The following PREP variants were observed in gnomAD, a reference collection of about 807,000 sequenced individuals.
PREP encodes dJ355L5.1 (prolyl endopeptidase).
PREP carries 29 observed loss-of-function variants against 87.6 expected under a neutral mutation model. That is an observed-to-expected ratio of 0.33 (90% CI 0.25 to 0.45). PREP has a LOEUF of 0.45. Among genes scored for constraint, PREP ranks in the 20% least tolerant of loss-of-function variants. The pLI is 1.00. For synonymous variants in PREP, 337 were observed against 328.6 expected (o/e 1.03, Z -0.28); for missense variants, 695 against 886.5 (o/e 0.78, Z 2.74).
chr6:105,282,207 G>GTGA lies in PREP; in HGVS notation c.1681+241_1681+243dup, dbSNP rs540328911. ...CCTCCCATCCCCACTTGCTTTCACA[G>GTGA]TGATGAGGGAGATTAAGGGACTTGT... is the stretch of plus-strand genomic sequence containing the variant. On this transcript the variant is annotated intron_variant, in intron 13 of 14. Coordinates refer to ENST00000652536, the MANE Select transcript of PREP (RefSeq NM_002726.5). Among the ~76,000 whole-genome samples the GTGA allele has an allele frequency of 2.6e-4, 39 of 152,314 alleles. No homozygotes were observed. In the South Asian group the frequency reaches 8.1e-3, roughly 32 times the overall value.
At chr6:105,347,298 T>C (rs781185616) in intron 7 of PREP, among the ~76,000 whole-genome samples, 5 of 152,180 alleles carry the variant, frequency 3.3e-5, no homozygotes, top group Non-Finnish European at 7.3e-5. Flanking sequence ...TGGGGAGCAC[T>C]TGAAGGGCAG....
intron 10 of PREP, among the ~76,000 whole-genome samples, chr6:105,296,447 C>T (rs937147030): frequency 6.6e-6 from 1 of 151,778 alleles, no homozygotes. Flanking sequence ...TATTTATGTA[C>T]CCAAATATCT....
rs892889526 is a variant in PREP, at chr6:105,277,603, A to G, written c.*541T>C. On this transcript the variant is annotated 3_prime_UTR_variant, in exon 15 of 15. Coordinates refer to ENST00000652536, the MANE Select transcript of PREP (RefSeq NM_002726.5). Reference sequence around the variant, plus strand: ...TATTTTCAAAGCTAACAAACATTCTATGACTTAACTGCTTGAAAACTAACT... The same window carrying G: ...TATTTTCAAAGCTAACAAACATTCTGTGACTTAACTGCTTGAAAACTAACT... 1 of 154,256 alleles carries G rather than the reference A, an allele frequency of 6.5e-6. No individual in the cohort carries two copies. The highest frequency in any genetic ancestry group is 2.4e-5 in the African/African-American group (1 of 41,116). 9.6% of individuals were successfully genotyped at this position (154,256 alleles called of 1,614,324 possible). A position where few individuals can be genotyped will look rare whatever the true frequency, so the allele number is the denominator to read the frequency against.
chr6:105,328,777 CA>C (rs1771239728), intron 9 of PREP, 51 bp downstream of exon 9: 1 of 1,583,700 alleles, frequency 6.3e-7, no homozygotes, highest in South Asian at 1.1e-5. Context: ...CAAAGAAACC[CA>C]AACACCAGTC....
chr6:105,355,787 C>T (rs1213947849), intron 6 of PREP, among the ~76,000 whole-genome samples: 1 of 152,104 alleles, frequency 6.6e-6, no homozygotes, highest in Non-Finnish European at 1.5e-5. Flanking sequence ...CTTAGTTTCT[C>T]TTTGTGGTTT....
At chr6:105,385,752 C>CT (rs1483406766) in intron 2 of PREP, among the ~76,000 whole-genome samples, 1 of 152,178 alleles carries the variant, frequency 6.6e-6, no homozygotes, top group Non-Finnish European at 1.5e-5. Flanking sequence ...CTCAAAAACA[C>CT]TATCATTTAA....
chr6:105,373,665 T>G, intron 4 of PREP, 87 bp from the exon 5 acceptor site: 4 of 1,280,060 alleles, frequency 3.1e-6, no homozygotes, highest in Non-Finnish European at 4.4e-6. Flanking sequence ...CTCTCTTTCA[T>G]AACACGGAGG....
chr6:105,309,506 T>C (rs1149317), intron 10 of PREP, among the ~76,000 whole-genome samples: 34,216 of 152,106 alleles, frequency 0.22, 7,895 homozygotes, highest in African/African-American at 0.59. Flanking sequence ...TGTGCCACCA[T>C]ACCTGGCTAA....
intron 2 of PREP, among the ~76,000 whole-genome samples, chr6:105,384,185 G>A (rs951764029): frequency 1.3e-5 from 2 of 152,110 alleles, no homozygotes; most frequent in African/African-American, 2.4e-5. Context: ...GGCTGGGCAG[G>A]ACCTCAAGCA....
chr6:105,330,416 T>A (rs1771296197), intron 8 of PREP, among the ~76,000 whole-genome samples: 3 of 152,094 alleles, frequency 2.0e-5, no homozygotes, highest in Admixed American at 2.0e-4. Context: ...TGCAGGGATA[T>A]GGAGAGTAAG....
At chr6:105,329,446 G>A (rs1771262731) in intron 8 of PREP, among the ~76,000 whole-genome samples, 2 of 152,114 alleles carry the variant, frequency 1.3e-5, no homozygotes, top group African/African-American at 2.4e-5. Flanking sequence ...GAGCCACCAC[G>A]CCCAGCCTTA....
chr6:105,297,060 C>T (rs538625673), intron 10 of PREP, among the ~76,000 whole-genome samples: 79 of 152,322 alleles, frequency 5.2e-4, no homozygotes, highest in African/African-American at 1.7e-3. Context: ...TCCAAATCAA[C>T]GTGCCCAGAC....
chr6:105,327,715 C>T (rs2114651424), intron 9 of PREP, among the ~76,000 whole-genome samples: 1 of 152,236 alleles, frequency 6.6e-6, no homozygotes, highest in South Asian at 2.1e-4. Context: ...TGCAGCAAAA[C>T]TGAGTGGGAC....
intron 7 of PREP, 112 bp downstream of exon 7, chr6:105,352,860 C>CGG (rs1364659267): frequency 2.2e-6 from 2 of 911,886 alleles, no homozygotes; most frequent in Non-Finnish European, 3.4e-6. Flanking sequence ...GATGAACTGA[C>CGG]ATGATGTGGT....
rs181428269 is a variant in PREP, at chr6:105,368,179, A to T, written c.717+724T>A. 3.9e-5 allele frequency among the ~76,000 whole-genome samples: 6 copies of T among 152,350 alleles called. No homozygotes were observed. In the East Asian group the frequency reaches 9.6e-4, roughly 24 times the overall value. ...CTAAAAAGTTTGTAGTACATTTCTCATTCCCACTAAAAATGGAATAACATC... is the reference window on the plus strand; with the variant it reads ...CTAAAAAGTTTGTAGTACATTTCTCTTTCCCACTAAAAATGGAATAACATC... On this transcript the variant is annotated intron_variant, in intron 6 of 14. Transcript: ENST00000652536.
chr6:105,309,545 T>G (rs1297256426), intron 10 of PREP, among the ~76,000 whole-genome samples: 4 of 152,186 alleles, frequency 2.6e-5, no homozygotes, highest in African/African-American at 9.7e-5. Flanking sequence ...AGATGGGGTT[T>G]CGCCATGTTG....
intron 7 of PREP, among the ~76,000 whole-genome samples, chr6:105,340,177 G>A (rs190612030): frequency 6.6e-5 from 10 of 152,312 alleles, no homozygotes; most frequent in African/African-American, 2.2e-4. Context: ...AAGCCCATCA[G>A]ACTAAAAGCA....
At chr6:105,362,447 C>A (rs58361864) in intron 6 of PREP, among the ~76,000 whole-genome samples, 1 of 152,108 alleles carries the variant, frequency 6.6e-6, no homozygotes, top group Non-Finnish European at 1.5e-5. Context: ...GGCGACAGAG[C>A]GAGACTCCAT....
intron 10 of PREP, chr6:105,323,117 A>G (rs145454471): frequency 1.5e-6 from 2 of 1,304,018 alleles, no homozygotes; most frequent in African/African-American, 3.0e-5. Flanking sequence ...GGGAGCTGAA[A>G]AAACAAAAAA....
Sources: allele counts gnomAD v4.1 joint callset (sites outside exome capture counted in the v4.1 genomes callset), GRCh38; gene constraint gnomAD v4.1.1; transcripts MANE v1.5; gene names NCBI Gene and HGNC (gene_info 2026-07-23, HGNC 2026-07-21).